The following RBFOX1 variants were observed in gnomAD, a reference collection of about 807,000 sequenced individuals.
RBFOX1 encodes the protein RNA binding fox-1 homolog 1, also known as RNA binding protein fox-1 homolog 1.
A neutral mutation model predicts 57.7 loss-of-function variants in RBFOX1; 8 were observed. The ratio of observed to expected loss-of-function variants is 0.14; its 90% CI spans 0.08 to 0.25. The LOEUF is 0.25. RBFOX1 is among the 10% of genes least tolerant of loss of function. The pLI, the probability that RBFOX1 is intolerant of heterozygous loss-of-function variation, is 1.00. For synonymous variants in RBFOX1, 326 were observed against 222.4 expected (o/e 1.47, Z -4.15); for missense variants, 611 against 548.5 (o/e 1.11, Z -1.14).
intron 3 of RBFOX1, among the ~76,000 whole-genome samples, chr16:6,790,319 G>C (rs1387997521): frequency 1.3e-5 from 2 of 151,834 alleles, no homozygotes; most frequent in Non-Finnish European, 2.9e-5. Context: ...CGAGTAGCTG[G>C]TATTACAGGC....
chr16:7,571,695 C>G (rs908231866), intron 5 of RBFOX1, among the ~76,000 whole-genome samples: 1 of 152,144 alleles, frequency 6.6e-6, no homozygotes, highest in African/African-American at 2.4e-5. Flanking sequence ...TCCTAATGAG[C>G]TTATCAGGGA....
intron 4 of RBFOX1, among the ~76,000 whole-genome samples, chr16:5,965,219 C>A (rs1321617641): frequency 6.6e-6 from 1 of 152,044 alleles, no homozygotes; most frequent in African/African-American, 2.4e-5. Context: ...GTTCTGGAGA[C>A]CTAAAATACA....
In RBFOX1 at chr16:7,265,117, G is replaced by C. The variant is rs114609441; in HGVS notation, c.27+213019G>C. ...CAATATTTATTGAATTACTAATAAA[G>C]ACTAGACTCTGTTCTGCGCACTAAG... On this transcript the variant is annotated intron_variant, in intron 4 of 15. Coordinates refer to ENST00000550418, the MANE Select transcript of RBFOX1 (RefSeq NM_018723.4). 9.3e-3 allele frequency among the ~76,000 whole-genome samples: 1,412 copies of C among 152,326 alleles called. 17 individuals carry two copies. The highest frequency in any genetic ancestry group is 0.033 in the African/African-American group (1,356 of 41,566).
chr16:6,883,486 C>T (rs1054607698), intron 3 of RBFOX1, among the ~76,000 whole-genome samples: 4 of 152,206 alleles, frequency 2.6e-5, no homozygotes, highest in East Asian at 1.9e-4. Context: ...CTTAGACACC[C>T]ATCTGCAAGA....
intron 4 of RBFOX1, among the ~76,000 whole-genome samples, chr16:5,974,065 AT>A (rs1288290649): frequency 6.6e-6 from 1 of 152,212 alleles, no homozygotes; most frequent in Non-Finnish European, 1.5e-5. Context: ...AAGGATTATA[AT>A]GCATATGAAA....
chr16:5,843,177 G>A (rs1290486788), intron 3 of RBFOX1, among the ~76,000 whole-genome samples: 2 of 152,042 alleles, frequency 1.3e-5, no homozygotes, highest in East Asian at 3.9e-4. Flanking sequence ...ACATGTGCAG[G>A]TTTATTATAT....
chr16:7,605,169 A>T lies in RBFOX1; in HGVS notation c.623-2116A>T, dbSNP rs1054018014. Among the ~76,000 whole-genome samples, 15 of 152,032 alleles carry T rather than the reference A, an allele frequency of 9.9e-5. No homozygotes were observed. In the South Asian group the frequency reaches 1.0e-3, roughly 11 times the overall value. On this transcript the variant is annotated intron_variant, in intron 9 of 15. Coordinates refer to ENST00000550418, the MANE Select transcript of RBFOX1 (RefSeq NM_018723.4). ...ATCCTCAGGAATTAGACTTTTTTTT[A>T]AAAAAAGGAAGCAGTGGAATTTCAG... is the stretch of plus-strand genomic sequence containing the variant.
At chr16:5,683,047 A>G (rs1404225152) in intron 3 of RBFOX1, among the ~76,000 whole-genome samples, 3 of 150,412 alleles carry the variant, frequency 2.0e-5, no homozygotes, top group Non-Finnish European at 4.4e-5. Flanking sequence ...TCCACCTTTT[A>G]GGGTTATAGT....
intron 3 of RBFOX1, among the ~76,000 whole-genome samples, chr16:6,906,309 A>G (rs747739722): frequency 7.2e-5 from 11 of 151,798 alleles, no homozygotes; most frequent in Non-Finnish European, 1.5e-4. Context: ...GGCTGGGGTA[A>G]TAAAATTGTA....
intron 3 of RBFOX1, among the ~76,000 whole-genome samples, chr16:7,037,539 A>G (rs2044871940): frequency 6.6e-6 from 1 of 152,192 alleles, no homozygotes; most frequent in African/African-American, 2.4e-5. Context: ...TCAACTTATG[A>G]AAAGAAGAAA....
At chr16:7,396,511 C>G (rs2098141395) in intron 4 of RBFOX1, among the ~76,000 whole-genome samples, 2 of 152,194 alleles carry the variant, frequency 1.3e-5, no homozygotes. Context: ...ATGCTCAGGA[C>G]ACAGTCACTC....
intron 4 of RBFOX1, among the ~76,000 whole-genome samples, chr16:7,327,787 G>A (rs560504169): frequency 2.0e-5 from 3 of 149,748 alleles, no homozygotes; most frequent in South Asian, 2.1e-4. Context: ...GATTTTATAT[G>A]AGATGCCCCC....
At chr16:5,341,580 C>T (rs1304518763) in intron 1 of RBFOX1, among the ~76,000 whole-genome samples, 1 of 152,160 alleles carries the variant, frequency 6.6e-6, no homozygotes, top group African/African-American at 2.4e-5. Flanking sequence ...TTCATGGACA[C>T]ACAACGTGAG....
At chr16:7,688,382 C>A (rs909174769) in intron 14 of RBFOX1, among the ~76,000 whole-genome samples, 2 of 151,802 alleles carry the variant, frequency 1.3e-5, no homozygotes, top group Non-Finnish European at 2.9e-5. Context: ...AATTAAGAAG[C>A]CAAATAATGA....
intron 11 of RBFOX1, among the ~76,000 whole-genome samples, chr16:7,646,546 G>A (rs891283402): frequency 6.6e-6 from 1 of 152,216 alleles, no homozygotes; most frequent in East Asian, 1.9e-4. Context: ...GGAGGAGCAG[G>A]ACAAAGAGAG....
chr16:6,528,386 G>T (rs1207918335), intron 2 of RBFOX1, among the ~76,000 whole-genome samples: 1 of 152,098 alleles, frequency 6.6e-6, no homozygotes, highest in East Asian at 1.9e-4. Context: ...TAAATATTTG[G>T]ATAAGTCCAC....
chr16:7,522,423 A>G (rs1030602221), intron 5 of RBFOX1, among the ~76,000 whole-genome samples: 1 of 152,208 alleles, frequency 6.6e-6, no homozygotes, highest in Admixed American at 6.5e-5. Flanking sequence ...GTATAAACTG[A>G]GAAGACATTA....
At chr16:5,305,874 T>C (rs1412092545) in intron 1 of RBFOX1, among the ~76,000 whole-genome samples, 2 of 151,740 alleles carry the variant, frequency 1.3e-5, no homozygotes, top group Admixed American at 6.6e-5. Context: ...TCTGGGAACA[T>C]AGTGAGACCC....
intron 4 of RBFOX1, among the ~76,000 whole-genome samples, chr16:7,329,028 G>T (rs918803734): frequency 6.6e-6 from 1 of 152,196 alleles, no homozygotes. Flanking sequence ...AGTAAATACA[G>T]TATTACAGGA....
Sources: gnomAD v4.1 joint callset for allele counts (sites outside exome capture counted in the v4.1 genomes callset) on GRCh38, gnomAD v4.1.1 for gene constraint, MANE v1.5 for transcripts, NCBI Gene and HGNC (gene_info 2026-07-23, HGNC 2026-07-21) for gene names.